Variants in TMEFF1 observed in about 807,000 individuals in gnomAD.
TMEFF1 encodes transmembrane protein with EGF like and two follistatin like domains 1.
In TMEFF1, 20 loss-of-function variants were observed where a neutral mutation model predicts 47.5. The observed-to-expected ratio is 0.42, with a 90% CI of 0.30 to 0.61. The LOEUF (loss-of-function observed/expected upper bound fraction) is 0.61, where lower values mean the gene tolerates loss of function less well. TMEFF1 is among the 20% of genes least tolerant of loss of function. TMEFF1 has a pLI of 0.19. For missense variants in TMEFF1, 411 were observed against 471.1 expected, an observed-to-expected ratio of 0.87 and a Z score of 1.18; for synonymous variants, 162 against 166.3, an observed-to-expected ratio of 0.97 and a Z score of 0.20.
At chr9:100,476,401 G>GT (rs941446293) in intron 1 of TMEFF1, among the ~76,000 whole-genome samples, 136 of 146,730 alleles carry the variant, frequency 9.3e-4, no homozygotes, top group Admixed American at 2.0e-3. Context: ...ACTCTGTCAT[G>GT]TTTTTTTTTT....
intron 7 of TMEFF1, among the ~76,000 whole-genome samples, chr9:100,551,517 C>T (rs115465580): frequency 0.032 from 4,925 of 152,248 alleles, 97 homozygotes; most frequent in African/African-American, 0.045. Flanking sequence ...AATAGGAAGG[C>T]CATTTTTCAG....
chr9:100,564,155 A>G (rs1228609347), intron 8 of TMEFF1, among the ~76,000 whole-genome samples: 4 of 152,034 alleles, frequency 2.6e-5, no homozygotes, highest in Non-Finnish European at 4.4e-5. Context: ...GCTCACTGCA[A>G]CCTCCACCTC....
intron 1 of TMEFF1, among the ~76,000 whole-genome samples, chr9:100,483,342 C>T (rs1264516059): frequency 2.0e-5 from 3 of 151,982 alleles, no homozygotes; most frequent in Non-Finnish European, 4.4e-5. Context: ...ATTAAAAATA[C>T]AAAAATTAGC....
chr9:100,503,831 A>G (rs1315146333), intron 2 of TMEFF1, among the ~76,000 whole-genome samples: 1 of 152,206 alleles, frequency 6.6e-6, no homozygotes, highest in East Asian at 1.9e-4. Flanking sequence ...AGTCTGCTTT[A>G]CTTGATCCAC....
intron 7 of TMEFF1, among the ~76,000 whole-genome samples, chr9:100,557,350 G>T (rs1233224290): frequency 6.6e-6 from 1 of 151,896 alleles, no homozygotes; most frequent in Non-Finnish European, 1.5e-5. Flanking sequence ...TGTAAAACCC[G>T]GCTTTCCCTG....
chr9:100,502,232 AT>A (rs1271294909), intron 2 of TMEFF1, among the ~76,000 whole-genome samples: 2 of 152,062 alleles, frequency 1.3e-5, no homozygotes, highest in Admixed American at 6.6e-5. Flanking sequence ...TCCTAATTTC[AT>A]TTTTTTGTTT....
intron 9 of TMEFF1, among the ~76,000 whole-genome samples, chr9:100,575,948 A>G (rs1233406337): frequency 1.2e-4 from 19 of 152,094 alleles, no homozygotes; most frequent in Non-Finnish European, 1.5e-5. Flanking sequence ...GCAGTTCCTT[A>G]TGGGCTTCTG....
intron 5 of TMEFF1, among the ~76,000 whole-genome samples, chr9:100,517,935 G>T (rs1564015967): frequency 1.3e-5 from 2 of 152,188 alleles, no homozygotes; most frequent in African/African-American, 2.4e-5. Context: ...ATAGGTATAT[G>T]TGTCAGTATT....
At chr9:100,507,615 A>G (rs933615883) in intron 2 of TMEFF1, among the ~76,000 whole-genome samples, 13 of 151,706 alleles carry the variant, frequency 8.6e-5, no homozygotes, top group African/African-American at 2.4e-4. Flanking sequence ...GATGTTGAGC[A>G]TTTTTTCATG....
At chr9:100,552,313 A>T (rs147937312) in intron 7 of TMEFF1, among the ~76,000 whole-genome samples, 1 of 152,240 alleles carries the variant, frequency 6.6e-6, no homozygotes, top group Non-Finnish European at 1.5e-5. Flanking sequence ...GATATCAGTT[A>T]GGTAAAGTCA....
At chr9:100,480,864 C>T (rs1837326148) in intron 1 of TMEFF1, among the ~76,000 whole-genome samples, 2 of 152,198 alleles carry the variant, frequency 1.3e-5, no homozygotes, top group African/African-American at 4.8e-5. Flanking sequence ...AGGATTTCCA[C>T]TGTACAAGGT....
chr9:100,498,954 A>G (rs1407036741), intron 2 of TMEFF1, 80 bp downstream of exon 2: 6 of 1,473,264 alleles, frequency 4.1e-6, no homozygotes, highest in Non-Finnish European at 4.6e-6. Flanking sequence ...TAAAAAACCT[A>G]AAACACCTTG....
chr9:100,547,801 T>C lies in TMEFF1; in HGVS notation c.618T>C (p.Asp206=). ...GTTTTAATCCTGTGTGTGCTTCTGA[T>C]GGGAGTTCCTATAACAATCCCTGTT... ...GYSFNPVCAS[D]GSSYNNPCFV... is the part of the protein sequence containing the mutation. The change falls in exon 6 of 10, where the codon GAT becomes GAC. Residue 206 remains aspartate, a synonymous_variant. Transcript: ENST00000374879. The C allele has an allele frequency of 6.2e-7, 1 of 1,610,098 alleles. No individual in the cohort carries two copies. Among genetic ancestry groups the C allele is most frequent in the South Asian group, 1.1e-5 (1 of 90,516 alleles).
chr9:100,569,290 A>G lies in TMEFF1; in HGVS notation c.900-3228A>G, dbSNP rs118098013. On this transcript the variant is annotated intron_variant, in intron 8 of 9. Coordinates refer to ENST00000374879, the MANE Select transcript of TMEFF1 (RefSeq NM_003692.5). ...TACGGTGGCTTTGATTTTTATTTCC[A>G]TGATGGCTAATGATGTTGAGCATCT... is the stretch of plus-strand genomic sequence containing the variant. Among the ~76,000 whole-genome samples, 885 of 152,242 alleles carry G rather than the reference A, an allele frequency of 5.8e-3. 21 individuals are homozygous for G. Among genetic ancestry groups the G allele is most frequent in the East Asian group, 0.053 (275 of 5,182 alleles).
chr9:100,516,901 C>A, intron 5 of TMEFF1, 130 bp downstream of exon 5: 1 of 1,072,570 alleles, frequency 9.3e-7, no homozygotes, highest in Non-Finnish European at 1.3e-6. Flanking sequence ...TTGTTTAATG[C>A]TAGTCTATTG....
At chr9:100,535,123 A>G (rs1354838419) in intron 5 of TMEFF1, among the ~76,000 whole-genome samples, 1 of 152,168 alleles carries the variant, frequency 6.6e-6, no homozygotes, top group Non-Finnish European at 1.5e-5. Flanking sequence ...ACTTTAAACC[A>G]TCCATCTATA....
At chr9:100,527,579 C>CG (rs1021936435) in intron 5 of TMEFF1, among the ~76,000 whole-genome samples, 8 of 152,174 alleles carry the variant, frequency 5.3e-5, no homozygotes, top group Non-Finnish European at 8.8e-5. Flanking sequence ...GCACCTGGCT[C>CG]GGGGGGTCCT....
intron 1 of TMEFF1, among the ~76,000 whole-genome samples, chr9:100,486,080 T>C (rs569015084): frequency 1.6e-4 from 25 of 151,826 alleles, no homozygotes; most frequent in Non-Finnish European, 2.9e-4. Flanking sequence ...GTCTTTTCCA[T>C]GGATTAAAAA....
chr9:100,482,435 T>C (rs1837360437), intron 1 of TMEFF1, among the ~76,000 whole-genome samples: 1 of 151,970 alleles, frequency 6.6e-6, no homozygotes, highest in Non-Finnish European at 1.5e-5. Flanking sequence ...TGACCTCAAG[T>C]AATCTGCCCG....
Sources: allele counts gnomAD v4.1 joint callset (sites outside exome capture counted in the v4.1 genomes callset), GRCh38; gene constraint gnomAD v4.1.1; transcripts MANE v1.5; gene names NCBI Gene and HGNC (gene_info 2026-07-23, HGNC 2026-07-21).